The following SCOC variants were observed in gnomAD, a reference collection of about 807,000 sequenced individuals.
SCOC encodes the protein short coiled coil protein.
SCOC carries 7 observed loss-of-function variants against 9.9 expected under a neutral mutation model. The ratio of observed to expected loss-of-function variants is 0.71; its 90% CI spans 0.40 to 1.33. The LOEUF (loss-of-function observed/expected upper bound fraction) is 1.33, where lower values mean the gene tolerates loss of function less well. SCOC is among the 40% of genes most tolerant of loss of function. The pLI, the probability that SCOC is intolerant of heterozygous loss-of-function variation, is 0.01. For missense variants in SCOC, 66 were observed against 89.7 expected, an observed-to-expected ratio of 0.74 and a Z score of 1.07; for synonymous variants, 19 against 28.2, an observed-to-expected ratio of 0.67 and a Z score of 1.03.
intron 1 of SCOC, among the ~76,000 whole-genome samples, chr4:140,264,520 G>T (rs2126392023): frequency 6.6e-6 from 1 of 152,246 alleles, no homozygotes; most frequent in East Asian, 1.9e-4. Flanking sequence ...CATTCAAAAA[G>T]ACTAGCTGAG....
intron 1 of SCOC, among the ~76,000 whole-genome samples, chr4:140,328,374 C>T (rs1732712584): frequency 6.6e-6 from 1 of 152,126 alleles, no homozygotes; most frequent in Non-Finnish European, 1.5e-5. Flanking sequence ...AATTGATGAA[C>T]ACAACCAAGC....
chr4:140,267,696 C>T (rs912031378), intron 1 of SCOC, among the ~76,000 whole-genome samples: 4 of 152,062 alleles, frequency 2.6e-5, no homozygotes, highest in Non-Finnish European at 5.9e-5. Flanking sequence ...GGAGACTCCG[C>T]GAGGCACCCT....
chr4:140,309,114 A>G (rs79868532), intron 1 of SCOC, among the ~76,000 whole-genome samples: 12,060 of 152,274 alleles, frequency 0.079, 561 homozygotes, highest in African/African-American at 0.13. Context: ...CATTGAGCAT[A>G]AGAGCTGAAA....
intron 1 of SCOC, among the ~76,000 whole-genome samples, chr4:140,282,953 A>G (rs564365430): frequency 2.6e-5 from 4 of 152,342 alleles, no homozygotes; most frequent in African/African-American, 9.6e-5. Flanking sequence ...TTGAAATCAC[A>G]TTTAACTGGG....
chr4:140,320,560 G>A (rs1017003426), intron 1 of SCOC, among the ~76,000 whole-genome samples: 1 of 152,124 alleles, frequency 6.6e-6, no homozygotes, highest in African/African-American at 2.4e-5. Flanking sequence ...AGGGGCTGCA[G>A]ACACAGAGGG....
intron 1 of SCOC, among the ~76,000 whole-genome samples, chr4:140,335,485 T>C (rs1301492250): frequency 6.6e-6 from 1 of 152,250 alleles, no homozygotes; most frequent in Admixed American, 6.5e-5. Flanking sequence ...AGCTAATGGG[T>C]TGAATTAATC....
chr4:140,374,147 T>G (rs1198493592), intron 1 of SCOC: 1 of 462,150 alleles, frequency 2.2e-6, no homozygotes, highest in South Asian at 1.5e-5. Context: ...GAGGGGAGGC[T>G]GAGGTGGGGA....
At chr4:140,344,444 A>G (rs1015213282) in intron 2 of SCOC, among the ~76,000 whole-genome samples, 2 of 152,160 alleles carry the variant, frequency 1.3e-5, no homozygotes, top group African/African-American at 4.8e-5. Context: ...ATTAACAGAG[A>G]GCAAGAGCAT....
intron 1 of SCOC, among the ~76,000 whole-genome samples, chr4:140,264,952 A>C (rs1282614483): frequency 6.6e-6 from 1 of 152,196 alleles, no homozygotes; most frequent in Non-Finnish European, 1.5e-5. Context: ...TATGTTTCTA[A>C]GGCCTCTACG....
chr4:140,317,588 T>A (rs1216056837), intron 1 of SCOC, among the ~76,000 whole-genome samples: 2 of 150,468 alleles, frequency 1.3e-5, no homozygotes, highest in Non-Finnish European at 3.0e-5. Context: ...TTTTGAGACA[T>A]GAGTCTTGCT....
chr4:140,373,640 G>C, upstream of SCOC: 1 of 1,551,590 alleles, frequency 6.4e-7, no homozygotes, highest in South Asian at 1.2e-5. Context: ...GGGCGGAGCT[G>C]CCGGGGTCAG....
At chr4:140,342,710 A>T (rs1369868460), upstream of SCOC, among the ~76,000 whole-genome samples, 1 of 152,216 alleles carries the variant, frequency 6.6e-6, no homozygotes, top group Non-Finnish European at 1.5e-5. Context: ...CAAAGGAGTG[A>T]TTATTTGAAA....
chr4:140,373,547 G>A (rs1187790291), upstream of SCOC: 2 of 1,551,648 alleles, frequency 1.3e-6, no homozygotes, highest in African/African-American at 2.7e-5. Flanking sequence ...ATGCGCAGGC[G>A]TGTATTCTCG....
At chr4:140,316,513 CTTTG>C (rs1732323583) in intron 1 of SCOC, among the ~76,000 whole-genome samples, 1 of 152,158 alleles carries the variant, frequency 6.6e-6, no homozygotes, top group Non-Finnish European at 1.5e-5. Context: ...CAAACTGTGT[CTTTG>C]TTTTAGTGTC....
chr4:140,278,049 G>C (rs1731022924), intron 1 of SCOC, among the ~76,000 whole-genome samples: 1 of 152,182 alleles, frequency 6.6e-6, no homozygotes, highest in Non-Finnish European at 1.5e-5. Context: ...ACTTATCTAG[G>C]TGAACTAAGT....
chr4:140,366,289 C>T (rs1195332830), intron 2 of SCOC: 8 of 1,403,554 alleles, frequency 5.7e-6, no homozygotes, highest in African/African-American at 1.5e-5. Flanking sequence ...GCTTTTTGAC[C>T]CTTCTGAGCT....
At chr4:140,282,081 T>G (rs1470413793) in intron 1 of SCOC, among the ~76,000 whole-genome samples, 4 of 152,202 alleles carry the variant, frequency 2.6e-5, no homozygotes, top group Non-Finnish European at 1.5e-5. Flanking sequence ...TTTTCCATGA[T>G]TCTGTAAATC....
Position 140,366,395 on chromosome 4 carries a change from A to C in SCOC, c.71-12726A>C, listed in dbSNP as rs1727797983. 4.6e-6 allele frequency: 6 copies of C among 1,306,752 alleles called. No homozygotes were observed. The South Asian group carries it at 8.4e-5, about 18-fold the overall frequency. 80.9% of individuals were successfully genotyped at this position (1,306,752 alleles called of 1,614,324 possible). A position where few individuals can be genotyped will look rare whatever the true frequency, so the allele number is the denominator to read the frequency against. ...CTGCAGCGGTCATCTTTTTGCTAGA[A>C]CTTTAGCAGCAGCTGCAGCAGCAGT... On this transcript the variant is annotated intron_variant, in intron 2 of 4. Transcript: ENST00000338517.
chr4:140,367,606 C>T (rs1417768494), intron 2 of SCOC, among the ~76,000 whole-genome samples: 1 of 152,060 alleles, frequency 6.6e-6, no homozygotes, highest in Non-Finnish European at 1.5e-5. Context: ...TCTTGATCTC[C>T]TGACCTCATG....
Sources: allele counts gnomAD v4.1 joint callset (sites outside exome capture counted in the v4.1 genomes callset), GRCh38; gene constraint gnomAD v4.1.1; transcripts MANE v1.5; gene names NCBI Gene and HGNC (gene_info 2026-07-23, HGNC 2026-07-21).